Variants in SCN1A observed in about 807,000 individuals in gnomAD.
SCN1A encodes the protein sodium channel protein type 1 subunit alpha.
A neutral mutation model predicts 193.7 loss-of-function variants in SCN1A; 13 were observed. The observed-to-expected ratio is 0.07, with a 90% CI of 0.04 to 0.11. The LOEUF is 0.11. Among genes scored for constraint, SCN1A ranks in the 10% least tolerant of loss-of-function variants. The probability of loss-of-function intolerance (pLI) is 1.00; values close to 1 mark genes in which losing one functional copy is unlikely to be tolerated. For synonymous variants in SCN1A, 781 were observed against 843.6 expected (o/e 0.93, Z 1.29); for missense variants, 1,432 against 2,451.1 (o/e 0.58, Z 8.78).
intron 2 of SCN1A, among the ~76,000 whole-genome samples, chr2:166,082,854 GT>G (rs1238136302): frequency 3.9e-5 from 6 of 151,982 alleles, no homozygotes; most frequent in African/African-American, 1.4e-4. Context: ...CTATAAAGTA[GT>G]TTAATATCCA....
At chr2:166,045,478 A>AT (rs5836074) in intron 12 of SCN1A, 151 bp from the exon 13 acceptor site, 291 of 756,448 alleles carry the variant, frequency 3.8e-4, no homozygotes, top group Middle Eastern at 1.1e-3. Flanking sequence ...ATAAGAGGAG[A>AT]TTTTTTTTTT....
chr2:166,091,275 TC>T (rs978583769), intron 2 of SCN1A, among the ~76,000 whole-genome samples: 10 of 152,156 alleles, frequency 6.6e-5, no homozygotes, highest in African/African-American at 2.4e-4. Context: ...TTTTGAAAAC[TC>T]ACATAACATT....
At chr2:166,039,072 A>G (rs185948879) in intron 17 of SCN1A, among the ~76,000 whole-genome samples, 5 of 152,338 alleles carry the variant, frequency 3.3e-5, no homozygotes, top group Admixed American at 2.6e-4. Context: ...ATCCACTGCT[A>G]CAAAGGGCTA....
intron 3 of SCN1A, among the ~76,000 whole-genome samples, chr2:166,073,964 CTAA>C (rs1307386046): frequency 4.6e-5 from 7 of 152,184 alleles, no homozygotes; most frequent in African/African-American, 1.4e-4. Context: ...CACTATATCA[CTAA>C]TGAGTTATTC....
At chr2:166,095,327 A>G (rs1687257885) in intron 2 of SCN1A, among the ~76,000 whole-genome samples, 1 of 152,154 alleles carries the variant, frequency 6.6e-6, no homozygotes, top group African/African-American at 2.4e-5. Context: ...TAGGGTAGAA[A>G]CTGTAATAGA....
chr2:166,071,399 T>C (rs1684400636), intron 4 of SCN1A, among the ~76,000 whole-genome samples: 1 of 152,130 alleles, frequency 6.6e-6, no homozygotes. Flanking sequence ...AAAGCAAAGT[T>C]AGAGGAAAAT....
chr2:166,008,753 T>C (rs914122257), intron 23 of SCN1A, among the ~76,000 whole-genome samples: 3 of 151,076 alleles, frequency 2.0e-5, no homozygotes, highest in Non-Finnish European at 4.5e-5. Flanking sequence ...CAATACAGCT[T>C]AGTTTCCATA....
chr2:166,106,513 C>A (rs78004050), intron 2 of SCN1A, among the ~76,000 whole-genome samples: 153 of 152,136 alleles, frequency 1.0e-3, no homozygotes, highest in African/African-American at 3.6e-3. Context: ...AGAAACAATT[C>A]TTTAGGGCAC....
At chr2:166,135,809 T>G (rs988796435) in intron 1 of SCN1A, among the ~76,000 whole-genome samples, 1 of 152,170 alleles carries the variant, frequency 6.6e-6, no homozygotes, top group African/African-American at 2.4e-5. Flanking sequence ...TTGGAAATTT[T>G]GGGGCCCATG....
chr2:166,037,469 C>G (rs532639391), intron 18 of SCN1A, among the ~76,000 whole-genome samples: 42 of 152,196 alleles, frequency 2.8e-4, no homozygotes, highest in Middle Eastern at 6.8e-3. Context: ...ATATGATACT[C>G]TATTGTAATT....
intron 19 of SCN1A, among the ~76,000 whole-genome samples, chr2:166,023,979 G>C (rs1334694505): frequency 6.6e-6 from 1 of 152,026 alleles, no homozygotes; most frequent in Non-Finnish European, 1.5e-5. Context: ...GTTTCACCAT[G>C]TTGGCCAGGC....
At chr2:166,084,530 C>CT (rs1463394377) in intron 2 of SCN1A, among the ~76,000 whole-genome samples, 1 of 152,060 alleles carries the variant, frequency 6.6e-6, no homozygotes. Context: ...CTTTTTATTG[C>CT]TGTGGGGCAA....
Position 166,043,996 on chromosome 2 carries a change from T to C in SCN1A, c.1716A>G (p.Thr572=). The change falls in exon 14 of 29, where the codon ACA becomes ACG. Residue 572 remains threonine (T), a synonymous_variant. Transcript: ENST00000674923. Reference sequence around the variant, plus strand: ...CTCGCCCTCTAAAGCTGAAAAGGCTTGTTCTGCTATTTCGCCTTGGTGAAA... The same window carrying C: ...CTCGCCCTCTAAAGCTGAAAAGGCTCGTTCTGCTATTTCGCCTTGGTGAAA... ...SLFSPRRNSR[T]SLFSFRGRAK... The C allele has an allele frequency of 1.2e-6, 2 of 1,614,186 alleles. No homozygotes were observed. Among genetic ancestry groups the C allele is most frequent in the Non-Finnish European group, 1.7e-6 (2 of 1,180,010 alleles).
intron 1 of SCN1A, among the ~76,000 whole-genome samples, chr2:166,134,373 G>A (rs1335404915): frequency 6.6e-6 from 1 of 152,180 alleles, no homozygotes; most frequent in Non-Finnish European, 1.5e-5. Flanking sequence ...AAATGGAAGT[G>A]AGTGAAGTAT....
rs1203088318 is a variant in SCN1A, at chr2:165,988,974, C to T, written c.*2271G>A. On this transcript the variant is annotated 3_prime_UTR_variant, in exon 29 of 29. Coordinates refer to ENST00000674923, the MANE Select transcript of SCN1A (RefSeq NM_001165963.4). ...TTGTAATTCTGGGAGGTCATTACCC[C>T]CTACCTCCAGTGACATATCTACCCT... 1 of 152,166 alleles carries T rather than the reference C, an allele frequency of 6.6e-6. No individual in the cohort carries two copies. Among genetic ancestry groups the T allele is most frequent in the East Asian group, 1.9e-4 (1 of 5,146 alleles). The allele number at this position is 152,166 out of a possible 1,614,324, so 9.4% of individuals were successfully genotyped here. A position where few individuals can be genotyped will look rare whatever the true frequency, so the allele number is the denominator to read the frequency against.
chr2:166,018,691 T>C (rs1693629710), intron 19 of SCN1A, among the ~76,000 whole-genome samples: 1 of 152,048 alleles, frequency 6.6e-6, no homozygotes, highest in African/African-American at 2.4e-5. Context: ...ACCAAGATAG[T>C]GTAATGATGA....
At chr2:166,103,082 T>C (rs1375152410) in intron 2 of SCN1A, among the ~76,000 whole-genome samples, 1 of 151,924 alleles carries the variant, frequency 6.6e-6, no homozygotes, top group African/African-American at 2.4e-5. Context: ...TATATATATA[T>C]ATATGACGGT....
chr2:166,109,208 A>T (rs549353557), intron 2 of SCN1A, among the ~76,000 whole-genome samples: 2 of 152,276 alleles, frequency 1.3e-5, no homozygotes, highest in South Asian at 4.1e-4. Flanking sequence ...AATAAAGAAA[A>T]ATCTTTGTTT....
At chr2:166,053,802 T>G (rs969344251) in intron 7 of SCN1A, among the ~76,000 whole-genome samples, 3 of 151,830 alleles carry the variant, frequency 2.0e-5, no homozygotes, top group African/African-American at 7.3e-5. Flanking sequence ...AGGGTAAGTG[T>G]TGTTGGGCTG....
Sources: gnomAD v4.1 joint callset for allele counts (sites outside exome capture counted in the v4.1 genomes callset) on GRCh38, gnomAD v4.1.1 for gene constraint, MANE v1.5 for transcripts, NCBI Gene and HGNC (gene_info 2026-07-23, HGNC 2026-07-21) for gene names.